The following AURKC variants were observed in gnomAD, a reference collection of about 807,000 sequenced individuals.
The protein encoded by AURKC is ARK-3.
Under a neutral mutation model 29.2 loss-of-function variants are expected in AURKC, and 15 were observed. That is an observed-to-expected ratio of 0.51 (90% confidence interval 0.34 to 0.79). The LOEUF (loss-of-function observed/expected upper bound fraction) is 0.79. Among genes scored for constraint, AURKC ranks in the 30% least tolerant of loss-of-function variants. The pLI, the probability that AURKC is intolerant of heterozygous loss-of-function variation, is 0.01. For synonymous variants in AURKC, 150 were observed against 149.9 expected, an observed-to-expected ratio of 1.00 and a Z score of -0.01; for missense variants, 332 against 383.2, an observed-to-expected ratio of 0.87 and a Z score of 1.12.
At position 57,232,504 on chromosome 19, in the gene AURKC, C is replaced by G. The variant is rs770575687; in HGVS notation, c.297-38C>G. On this transcript the variant is annotated intron_variant, in intron 3 of 6. Transcript: ENST00000302804. This position sits in a 1 kb window ranked among gnomAD's most constrained non-coding sequence, Gnocchi z 4.5. ...GACGGTGGCATCATATGATAGGCCT[C>G]AGGGAGAAATCTGACTCTTCCAACA... The G allele has an allele frequency of 3.3e-5, 53 of 1,613,848 alleles. 1 individual carries two copies. The South Asian group carries it at 5.4e-4, about 16-fold the overall frequency.
Position 57,235,068 on chromosome 19 carries a change from T to A in AURKC, c.759+10T>A. ...CAGACGCATCCTCAAGGTGGGACAG[T>A]CACCTTTGGGCATTCATGGGGGAGC... On this transcript the variant is annotated intron_variant, in intron 6 of 6. Coordinates refer to ENST00000302804, the MANE Select transcript of AURKC (RefSeq NM_001015878.2). 1.2e-6 allele frequency: 2 copies of A among 1,614,032 alleles called. No individual in the cohort carries two copies. The highest frequency in any genetic ancestry group is 1.7e-6 in the Non-Finnish European group (2 of 1,180,010).
chr19:57,231,214 T>A lies in AURKC; in HGVS notation c.-35T>A. The A allele has an allele frequency of 8.4e-6, 13 of 1,551,464 alleles. No individual in the cohort carries two copies. Among genetic ancestry groups the A allele is most frequent in the African/African-American group, 1.4e-5 (1 of 73,072 alleles). On this transcript the variant is annotated 5_prime_UTR_variant, in exon 1 of 7. Coordinates refer to ENST00000302804, the MANE Select transcript of AURKC (RefSeq NM_001015878.2). ...GAACGGGAACAGCCATCCAGAGGGT[T>A]CAGGAAGGCGTCCGCGCCCTCACCT...
chr19:57,232,069 TC>T lies in AURKC; in HGVS notation c.145del (p.Leu49TrpfsTer23), dbSNP rs397515619. 1.0e-4 allele frequency: 161 copies of T among 1,613,940 alleles called. 1 individual carries two copies. The highest frequency in any genetic ancestry group is 6.6e-4 in the Middle Eastern group (4 of 6,058). On this transcript the variant is annotated frameshift_variant, in exon 3 of 7. Coordinates refer to ENST00000302804, the MANE Select transcript of AURKC (RefSeq NM_001015878.2). LOFTEE classifies it high-confidence loss of function. The surrounding 1 kb of genome is among the most constrained non-coding windows in gnomAD (Gnocchi z 4.5). ...LTVDDFEIGR[P>X]LGKGKFGNVY... ...CAGTCGATGACTTTGAAATCGGGCG[TC>T]CCCTGGGCAAGGGGAAATTTGGGAA...
At position 57,235,489 on chromosome 19, in the gene AURKC, A is replaced by T; in HGVS notation, c.*72A>T. 6.4e-7 allele frequency: 1 copy of T among 1,573,626 alleles called. No individual in the cohort carries two copies. Among genetic ancestry groups the T allele is most frequent in the Non-Finnish European group, 8.7e-7 (1 of 1,148,466 alleles). On this transcript the variant is annotated 3_prime_UTR_variant, in exon 7 of 7. Coordinates refer to ENST00000302804, the MANE Select transcript of AURKC (RefSeq NM_001015878.2). ...TGGCTCTGCCACCTCATTTGTCTTT[A>T]TTTTTTTCTCTTTTAAGATGTAAGA...
rs2087481633 is a variant in AURKC at position 57,231,097 on chromosome 19, T to G, written c.-152T>G. ...ACGACGCCGCGGATCCCGAAGCCTG[T>G]GTAGCAGTGAGACATCAGTGAGGCT... On this transcript the variant is annotated 5_prime_UTR_variant, in exon 1 of 7. Transcript: ENST00000302804. 6 of 1,518,098 alleles carry G rather than the reference T, an allele frequency of 4.0e-6. No homozygotes were observed. In the African/African-American group the frequency reaches 6.9e-5, roughly 17 times the overall value. The allele number at this position is 1,518,098 out of a possible 1,614,324, so 94.0% of individuals were successfully genotyped here.
chr19:57,231,957 G>GAGCAGGGA, intron 2 of AURKC, 76 bp from the exon 3 acceptor site: 1 of 1,601,884 alleles, frequency 6.2e-7, no homozygotes, highest in Non-Finnish European at 8.6e-7. Flanking sequence ...AGAGGAAGGG[G>GAGCAGGGA]AGCATTGGCA....
Position 57,232,744 on chromosome 19 carries a change from T to G in AURKC, c.435+64T>G, listed in dbSNP as rs1378297158. On this transcript the variant is annotated intron_variant, in intron 4 of 6. Coordinates refer to ENST00000302804, the MANE Select transcript of AURKC (RefSeq NM_001015878.2). This position sits in a 1 kb window ranked among gnomAD's most constrained non-coding sequence, Gnocchi z 4.5. ...TACTGTGGGCTGGTGGGAGCTCTGT[T>G]TGTGGCTGTCAGGAGGGTCCGCATT... 6.2e-7 allele frequency: 1 copy of G among 1,608,952 alleles called. No homozygotes were observed. The highest frequency in any genetic ancestry group is 1.3e-5 in the African/African-American group (1 of 74,900).
At position 57,232,010 on chromosome 19, in the gene AURKC, C is replaced by CT. The variant is rs1315886299; in HGVS notation, c.105-17dup. 6.2e-7 allele frequency: 1 copy of CT among 1,613,872 alleles called. No individual in the cohort carries two copies. Among genetic ancestry groups the CT allele is most frequent in the East Asian group, 2.2e-5 (1 of 44,862 alleles). The stretch of plus-strand genomic sequence containing the variant: ...GCCTACCCTACCTCCCAAGCTGAGG[C>CT]TTTTTTCTTCCTCTCCTGTCAGGCG... On this transcript the variant is annotated intron_variant, in intron 2 of 6. Coordinates refer to ENST00000302804, the MANE Select transcript of AURKC (RefSeq NM_001015878.2). The surrounding 1 kb of genome is among the most constrained non-coding windows in gnomAD (Gnocchi z 4.5).
In AURKC at chr19:57,231,720, CCCT is replaced by C. The variant is rs775284268; in HGVS notation, c.59-11_59-9del. 13 of 1,606,016 alleles carry C rather than the reference CCCT, an allele frequency of 8.1e-6. No homozygotes were observed. Among genetic ancestry groups the C allele is most frequent in the African/African-American group, 2.7e-5 (2 of 74,680 alleles). ...TTCCCTCCCCTCTCCCTTCCTATCT[CCCT>C]CCTCCTCCTCTCTTTCAGTGGCTAC... On this transcript the variant is annotated intron_variant, in intron 1 of 6. Coordinates refer to ENST00000302804, the MANE Select transcript of AURKC (RefSeq NM_001015878.2).
chr19:57,233,300 C>A (rs1280137296), intron 4 of AURKC, among the ~76,000 whole-genome samples, 160 bp from the exon 5 acceptor site: 2 of 152,218 alleles, frequency 1.3e-5, no homozygotes, highest in African/African-American at 4.8e-5. Flanking sequence ...AGGAAAACCA[C>A]ACCCCACACA....
Position 57,232,145 on chromosome 19 carries a change from G to A in AURKC, c.217G>A (p.Val73Ile), listed in dbSNP as rs746052199. Residue 73 changes from valine (V) to isoleucine (I), a missense_variant, in exon 3 of 7, where the codon GTT becomes ATT. Transcript: ENST00000302804. The surrounding 1 kb of genome is among the most constrained non-coding windows in gnomAD (Gnocchi z 4.5). ...AAGCCATTTCATTGTGGCCCTGAAG[G>A]TTCTCTTCAAGTCGCAGATAGAGAA... The part of the protein sequence containing the change: ...KESHFIVALK[V>I]LFKSQIEKEG... The A allele has an allele frequency of 1.9e-6, 3 of 1,614,084 alleles. No homozygotes were observed. Among genetic ancestry groups the A allele is most frequent in the South Asian group, 1.1e-5 (1 of 91,070 alleles).
rs1276504668 is a variant in AURKC, at chr19:57,232,004, C to T, written c.105-29C>T. The T allele has an allele frequency of 3.7e-6, 6 of 1,613,692 alleles. No individual in the cohort carries two copies. Among genetic ancestry groups the T allele is most frequent in the Non-Finnish European group, 5.1e-6 (6 of 1,179,946 alleles). ...CCCTCCGCCTACCCTACCTCCCAAG[C>T]TGAGGCTTTTTTCTTCCTCTCCTGT... On this transcript the variant is annotated intron_variant, in intron 2 of 6. Coordinates refer to ENST00000302804, the MANE Select transcript of AURKC (RefSeq NM_001015878.2). The surrounding 1 kb of genome is among the most constrained non-coding windows in gnomAD (Gnocchi z 4.5).
Position 57,232,712 on chromosome 19 carries a change from C to CT in AURKC, c.435+33dup, listed in dbSNP as rs1555768418. ...TGCGGGTCTGGAGGCTCTGGGGTCT[C>CT]TGAGTTTACTGTGGGCTGGTGGGAG... is the stretch of plus-strand genomic sequence containing the variant. On this transcript the variant is annotated intron_variant, in intron 4 of 6. Coordinates refer to ENST00000302804, the MANE Select transcript of AURKC (RefSeq NM_001015878.2). The surrounding 1 kb of genome is among the most constrained non-coding windows in gnomAD (Gnocchi z 4.5). 3.1e-6 allele frequency: 5 copies of CT among 1,611,964 alleles called. No homozygotes were observed. Among genetic ancestry groups the CT allele is most frequent in the Non-Finnish European group, 3.4e-6 (4 of 1,179,996 alleles).
intron 5 of AURKC, among the ~76,000 whole-genome samples, chr19:57,234,069 T>A (rs2122807943): frequency 6.7e-6 from 1 of 149,580 alleles, no homozygotes; most frequent in Admixed American, 6.6e-5. Context: ...TTTTTTTTTT[T>A]TTTTTGAGAC....
intron 5 of AURKC, among the ~76,000 whole-genome samples, chr19:57,234,276 C>T (rs2087525091): frequency 6.7e-6 from 1 of 150,324 alleles, no homozygotes; most frequent in Admixed American, 6.6e-5. Context: ...GGCTGGTCTC[C>T]AACTCCTGAC....
chr19:57,231,298 G>A lies in AURKC; in HGVS notation c.50G>A (p.Gly17Asp), dbSNP rs1462038055. 5.2e-5 allele frequency: 80 copies of A among 1,552,984 alleles called. No homozygotes were observed. Among genetic ancestry groups the A allele is most frequent in the Non-Finnish European group, 7.0e-5 (80 of 1,147,758 alleles). Reference sequence around the variant, plus strand: ...CAGCTGGGCAAAGCTCAACCTGCAGGCGAAGAGTGTGAGAGCCAGCGCCAG... The same window carrying A: ...CAGCTGGGCAAAGCTCAACCTGCAGACGAAGAGTGTGAGAGCCAGCGCCAG... ...VVQLGKAQPAGEELATANQTA... is the reference protein window; with the variant it reads ...VVQLGKAQPADEELATANQTA... The change falls in exon 1 of 7, where the codon GGC becomes GAC. Residue 17 changes from glycine to aspartate, a missense_variant. Coordinates refer to ENST00000302804, the MANE Select transcript of AURKC (RefSeq NM_001015878.2).
chr19:57,235,523 A>C lies in AURKC; in HGVS notation c.*106A>C. ...TCTTTTAAGATGTAAGATGCTAATT[A>C]ATAAAAGCTGAATCATTTCATACCA... On this transcript the variant is annotated 3_prime_UTR_variant, in exon 7 of 7. Transcript: ENST00000302804. The C allele has an allele frequency of 7.4e-7, 1 of 1,358,448 alleles. No homozygotes were observed. Among genetic ancestry groups the C allele is most frequent in the Non-Finnish European group, 1.0e-6 (1 of 960,746 alleles). 84.1% of individuals were successfully genotyped at this position (1,358,448 alleles called of 1,614,324 possible).
chr19:57,235,137 G>T, intron 6 of AURKC, 79 bp downstream of exon 6: 1 of 1,605,470 alleles, frequency 6.2e-7, no homozygotes, highest in Middle Eastern at 1.7e-4. Flanking sequence ...ACACACACAG[G>T]GTTGTCTTCT....
Position 57,231,151 on chromosome 19 carries a change from G to T in AURKC, c.-98G>T, listed in dbSNP as rs746370175. On this transcript the variant is annotated 5_prime_UTR_variant, in exon 1 of 7. Transcript: ENST00000302804. The stretch of plus-strand genomic sequence containing the variant: ...GGACGAGCAGGATTGGAAGCGCCCC[G>T]GCCAGAAAGTGACCCCCCACCCCTT... 2 of 1,519,246 alleles carry T rather than the reference G, an allele frequency of 1.3e-6. No homozygotes were observed. Among genetic ancestry groups the T allele is most frequent in the Non-Finnish European group, 8.9e-7 (1 of 1,120,132 alleles). 94.1% of individuals were successfully genotyped at this position (1,519,246 alleles called of 1,614,324 possible). A position where few individuals can be genotyped will look rare whatever the true frequency, so the allele number is the denominator to read the frequency against.
Sources: allele counts gnomAD v4.1 joint callset (sites outside exome capture counted in the v4.1 genomes callset), GRCh38; gene constraint gnomAD v4.1.1; non-coding constraint Gnocchi (gnomAD v3.1); transcripts MANE v1.5; gene names NCBI Gene and HGNC (gene_info 2026-07-23, HGNC 2026-07-21).